TCTN3: variants seen among roughly 807,000 people sequenced by gnomAD.
TCTN3 encodes the protein tectonic-3.
Under a neutral mutation model 71.3 loss-of-function variants are expected in TCTN3, and 57 were observed. The ratio of observed to expected loss-of-function variants is 0.80; its 90% confidence interval spans 0.65 to 1.00. The LOEUF (loss-of-function observed/expected upper bound fraction) is 1.00. Ranked by LOEUF, TCTN3 falls within the 50% of genes least tolerant of loss-of-function variation. The pLI, the probability that TCTN3 is intolerant of heterozygous loss-of-function variation, is 0.00. For missense variants in TCTN3, 696 were observed against 719.9 expected (o/e 0.97, Z 0.38); for synonymous variants, 258 against 267.8 (o/e 0.96, Z 0.36).
chr10:95,683,559 T>G lies in TCTN3; in HGVS notation c.1166A>C (p.Lys389Thr). 1 of 1,614,182 alleles carries G rather than the reference T, an allele frequency of 6.2e-7. No individual in the cohort carries two copies. The highest frequency in any genetic ancestry group is 1.1e-5 in the South Asian group (1 of 91,086). ...RSGNPGYIVG[K>T]PLLALTDDIS... is the part of the protein sequence containing the mutation. ...ATCATCAGTCAGAGCCAAGAGTGGC[T>G]TCCCAACTATATAGCCAGGATTCCC... Residue 389 changes from lysine to threonine, a missense_variant, in exon 10 of 14, where the codon AAG (lysine) becomes ACG (threonine). Coordinates refer to ENST00000371217, the MANE Select transcript of TCTN3 (RefSeq NM_015631.6).
chr10:95,668,227 C>T (rs887651527), intron 13 of TCTN3, among the ~76,000 whole-genome samples: 5 of 129,046 alleles, frequency 3.9e-5, no homozygotes, highest in African/African-American at 1.2e-4. Flanking sequence ...TTCAATCTAG[C>T]GACACCCTAA....
intron 3 of TCTN3, 105 bp from the exon 4 acceptor site, chr10:95,687,824 T>C (rs2097949929): frequency 3.0e-6 from 4 of 1,329,314 alleles, no homozygotes; most frequent in Admixed American, 5.1e-5. Flanking sequence ...AGGGTGCAAA[T>C]CTTAAGTGTA....
At chr10:95,680,759 CTA>C (rs2139732221) in intron 12 of TCTN3, 150 bp from the exon 13 acceptor site, 2 of 742,088 alleles carry the variant, frequency 2.7e-6, no homozygotes, top group East Asian at 6.7e-5. Flanking sequence ...CACAATAAGA[CTA>C]TGTTATTATT....
Position 95,682,665 on chromosome 10 carries a change from G to A in TCTN3, c.1438C>T (p.His480Tyr), listed in dbSNP as rs200151165. 86 of 1,613,442 alleles carry A rather than the reference G, an allele frequency of 5.3e-5. No individual in the cohort carries two copies. Among genetic ancestry groups the A allele is most frequent in the Non-Finnish European group, 5.7e-5 (67 of 1,179,830 alleles). ...KGGWTRILNR[H>Y]CSISAINCTS... Reference sequence around the variant, plus strand: ...TCTCTCCTTACTGAAATGCTGCAGTGCCTGTTGAGGATCCTGGTCCACCCT... The same window carrying A: ...TCTCTCCTTACTGAAATGCTGCAGTACCTGTTGAGGATCCTGGTCCACCCT... Residue 480 changes from histidine to tyrosine, a missense_variant, in exon 12 of 14, where the codon CAC becomes TAC. Transcript: ENST00000371217.
In TCTN3 at chr10:95,680,450, T is replaced by C. The variant is rs755119467; in HGVS notation, c.1590+22A>G. ...ATCTAGGCTTTGCAAGGTTTAGTGA[T>C]CCTTTATGAGCCATGACTTACCTGT... is the stretch of plus-strand genomic sequence containing the variant. On this transcript the variant is annotated intron_variant, in intron 13 of 13. Coordinates refer to ENST00000371217, the MANE Select transcript of TCTN3 (RefSeq NM_015631.6). The C allele has an allele frequency of 3.8e-6, 6 of 1,593,658 alleles. No individual in the cohort carries two copies. In the East Asian group the frequency reaches 1.4e-4, roughly 36 times the overall value.
intron 1 of TCTN3, 50 bp downstream of exon 1, chr10:95,693,594 A>C: frequency 6.5e-7 from 1 of 1,547,072 alleles, no homozygotes; most frequent in Non-Finnish European, 8.7e-7. Flanking sequence ...TTGCTCACAG[A>C]ATTTTAGATC....
intron 13 of TCTN3, among the ~76,000 whole-genome samples, chr10:95,665,100 G>T (rs1298441971): frequency 6.6e-6 from 1 of 152,002 alleles, no homozygotes; most frequent in African/African-American, 2.4e-5. Flanking sequence ...ACTCTCCTAG[G>T]GACTGTCACT....
Position 95,664,246 on chromosome 10 carries a change from T to C in TCTN3, c.1645A>G (p.Ile549Val). The change falls in exon 14 of 14, where the codon ATT (isoleucine) becomes GTT (valine). Residue 549 changes from isoleucine to valine, a missense_variant. Coordinates refer to ENST00000371217, the MANE Select transcript of TCTN3 (RefSeq NM_015631.6). ...CTTGGAGGCTGTGGCTTCTGGGTAA[T>C]GTCCACAAAGTTCACAAGAGTTGTC... ...SLTTLVNFVD[I>V]TQKPQPPRGQ... is the part of the protein sequence containing the mutation. The C allele has an allele frequency of 6.2e-7, 1 of 1,614,172 alleles. No individual in the cohort carries two copies. The highest frequency in any genetic ancestry group is 1.1e-5 in the South Asian group (1 of 91,088).
intron 7 of TCTN3, 109 bp downstream of exon 7, chr10:95,686,386 A>G: frequency 3.5e-6 from 4 of 1,158,900 alleles, no homozygotes; most frequent in Non-Finnish European, 5.2e-6. Context: ...ATTGTTTGCT[A>G]CATCACGCTT....
intron 11 of TCTN3, 131 bp downstream of exon 11, chr10:95,682,970 C>T: frequency 8.2e-7 from 1 of 1,219,630 alleles, no homozygotes; most frequent in South Asian, 1.5e-5. Flanking sequence ...AATATCAACA[C>T]TATTTAGACT....
chr10:95,671,137 C>T (rs1024724481), intron 13 of TCTN3, among the ~76,000 whole-genome samples: 4 of 152,304 alleles, frequency 2.6e-5, no homozygotes, highest in Admixed American at 1.3e-4. Context: ...ACAGGAAGAG[C>T]ACTGGGGAAA....
intron 13 of TCTN3, among the ~76,000 whole-genome samples, chr10:95,665,914 T>C (rs2097925168): frequency 6.6e-6 from 1 of 151,026 alleles, no homozygotes; most frequent in African/African-American, 2.4e-5. Context: ...GTCAGTCCTG[T>C]GCTAATCTTG....
At chr10:95,683,674 T>C in intron 9 of TCTN3, 45 bp from the exon 10 acceptor site, 2 of 1,542,414 alleles carry the variant, frequency 1.3e-6, no homozygotes, top group Non-Finnish European at 1.8e-6. Context: ...ATAAGCATAC[T>C]TTCCCACCTC....
chr10:95,683,815 AT>A (rs1199778733), intron 9 of TCTN3, among the ~76,000 whole-genome samples, 186 bp from the exon 10 acceptor site: 1 of 152,160 alleles, frequency 6.6e-6, no homozygotes, highest in Non-Finnish European at 1.5e-5. Flanking sequence ...ACTAAAATAA[AT>A]CCTTCATGAT....
intron 13 of TCTN3, among the ~76,000 whole-genome samples, chr10:95,669,058 T>C (rs945734979): frequency 6.6e-6 from 1 of 152,240 alleles, no homozygotes; most frequent in African/African-American, 2.4e-5. Flanking sequence ...GCAGCATGCA[T>C]ATTCACATAA....
In TCTN3 at chr10:95,687,265, C is replaced by G. The variant is rs2097949271; in HGVS notation, c.718G>C (p.Ala240Pro). 6.2e-7 allele frequency: 1 copy of G among 1,613,880 alleles called. No individual in the cohort carries two copies. The highest frequency in any genetic ancestry group is 1.7e-5 in the Admixed American group (1 of 59,984). Residue 240 changes from alanine (A) to proline (P), a missense_variant, in exon 5 of 14, where the codon GCT becomes CCT. Ala to Pro is a conservative substitution (Grantham distance 27, BLOSUM62 -1). Coordinates refer to ENST00000371217, the MANE Select transcript of TCTN3 (RefSeq NM_015631.6). ...PAGVGAGGLCAESNPAGFLES... is the reference protein window; with the variant it reads ...PAGVGAGGLCPESNPAGFLES... ...GATTCACCTGCAGGATTGCTTTCAG[C>G]ACAGAGTCCCCCAGCTCCAACTCCT...
At position 95,664,001 on chromosome 10, in the gene TCTN3, G is replaced by T; in HGVS notation, c.*66C>A. The T allele has an allele frequency of 7.2e-7, 1 of 1,391,174 alleles. No individual in the cohort carries two copies. Among genetic ancestry groups the T allele is most frequent in the Non-Finnish European group, 1.0e-6 (1 of 983,488 alleles). 86.2% of individuals were successfully genotyped at this position (1,391,174 alleles called of 1,614,324 possible). A position where few individuals can be genotyped will look rare whatever the true frequency, so the allele number is the denominator to read the frequency against. ...TCATGAGCAGGTGAGGTTCTATTTA[G>T]CCAAGATAAGTGGCTGCCTCAGAGT... On this transcript the variant is annotated 3_prime_UTR_variant, in exon 14 of 14. Coordinates refer to ENST00000371217, the MANE Select transcript of TCTN3 (RefSeq NM_015631.6).
At chr10:95,673,105 G>C (rs2097933367) in intron 13 of TCTN3, among the ~76,000 whole-genome samples, 1 of 152,080 alleles carries the variant, frequency 6.6e-6, no homozygotes, top group Non-Finnish European at 1.5e-5. Context: ...ATAAACTATT[G>C]AGAAACTTTT....
intron 9 of TCTN3, 70 bp downstream of exon 9, chr10:95,684,429 G>A (rs2097946224): frequency 6.4e-7 from 1 of 1,571,244 alleles, no homozygotes; most frequent in East Asian, 2.3e-5. Flanking sequence ...ATGTATTACA[G>A]AAGCAAAGAA....
Sources: gnomAD v4.1 joint callset for allele counts (sites outside exome capture counted in the v4.1 genomes callset) on GRCh38, gnomAD v4.1.1 for gene constraint, MANE v1.5 for transcripts, NCBI Gene and HGNC (gene_info 2026-07-23, HGNC 2026-07-21) for gene names.